CCDC73: variants seen among roughly 807,000 people sequenced by gnomAD.
CCDC73 encodes the protein coiled-coil domain containing 73.
A neutral mutation model predicts 116.5 loss-of-function variants in CCDC73; 95 were observed. The observed-to-expected ratio is 0.82, with a 90% confidence interval of 0.69 to 0.97. The LOEUF (loss-of-function observed/expected upper bound fraction) is 0.97, where lower values mean the gene tolerates loss of function less well. Among genes scored for constraint, CCDC73 ranks in the 50% least tolerant of loss-of-function variants. The pLI is 0.00. For missense variants in CCDC73, 1,066 were observed against 1,206.8 expected (o/e 0.88, Z 1.73); for synonymous variants, 398 against 401.3 (o/e 0.99, Z 0.10).
intron 9 of CCDC73, among the ~76,000 whole-genome samples, chr11:32,670,956 A>G (rs1856032811): frequency 6.6e-6 from 1 of 152,218 alleles, no homozygotes; most frequent in Admixed American, 6.5e-5. Flanking sequence ...TCTCAAGAGC[A>G]TAATAAATTA....
At chr11:32,708,914 G>C (rs1395930793) in intron 3 of CCDC73, among the ~76,000 whole-genome samples, 1 of 152,082 alleles carries the variant, frequency 6.6e-6, no homozygotes, top group African/African-American at 2.4e-5. Flanking sequence ...TCTTTTGTCT[G>C]ATTGCTCTGG....
chr11:32,627,477 C>T (rs969173178), intron 14 of CCDC73, among the ~76,000 whole-genome samples: 2 of 152,150 alleles, frequency 1.3e-5, no homozygotes, highest in South Asian at 4.1e-4. Context: ...TGGGTATATA[C>T]CCAAAGGATT....
At chr11:32,769,630 A>T (rs1850474309) in intron 1 of CCDC73, among the ~76,000 whole-genome samples, 1 of 152,314 alleles carries the variant, frequency 6.6e-6, no homozygotes, top group Admixed American at 6.5e-5. Flanking sequence ...ACACAAAAGG[A>T]GCATTTCAAA....
chr11:32,716,610 G>A (rs1849948302), intron 3 of CCDC73, among the ~76,000 whole-genome samples: 1 of 152,188 alleles, frequency 6.6e-6, no homozygotes, highest in Non-Finnish European at 1.5e-5. Context: ...CACCCAGGCT[G>A]GAGTGCAATG....
chr11:32,669,742 A>G (rs934148557), intron 9 of CCDC73, among the ~76,000 whole-genome samples: 2 of 152,078 alleles, frequency 1.3e-5, no homozygotes, highest in Non-Finnish European at 2.9e-5. Context: ...GGCTTATTTC[A>G]CTTAACATAA....
the CCDC73 span, among the ~76,000 whole-genome samples, chr11:32,803,681 A>G: frequency 6.6e-6 from 1 of 152,208 alleles, no homozygotes; most frequent in Non-Finnish European, 1.5e-5. Flanking sequence ...ACATAATGCT[A>G]TAGATTTTTC....
At chr11:32,663,727 G>A (rs1855952557) in intron 9 of CCDC73, among the ~76,000 whole-genome samples, 1 of 152,182 alleles carries the variant, frequency 6.6e-6, no homozygotes, top group Non-Finnish European at 1.5e-5. Flanking sequence ...TTGAATAGGA[G>A]TGGTGAGATA....
intron 12 of CCDC73, among the ~76,000 whole-genome samples, chr11:32,642,884 T>G (rs1855745839): frequency 6.6e-6 from 1 of 151,668 alleles, no homozygotes; most frequent in African/African-American, 2.4e-5. Flanking sequence ...TTAAAAAAAG[T>G]AAAGTTATTC....
chr11:32,702,637 T>C (rs1263158240), intron 4 of CCDC73, among the ~76,000 whole-genome samples: 7 of 152,196 alleles, frequency 4.6e-5, no homozygotes, highest in African/African-American at 1.7e-4. Context: ...TGAAAATATA[T>C]TTCCATCTCC....
chr11:32,687,569 T>C (rs918364191), intron 6 of CCDC73, among the ~76,000 whole-genome samples: 2 of 152,196 alleles, frequency 1.3e-5, no homozygotes, highest in African/African-American at 4.8e-5. Flanking sequence ...TAGTTTGGGA[T>C]TGTAATTTGC....
At chr11:32,729,698 G>A (rs978203344) in intron 2 of CCDC73, among the ~76,000 whole-genome samples, 2 of 151,982 alleles carry the variant, frequency 1.3e-5, no homozygotes, top group African/African-American at 4.8e-5. Flanking sequence ...GTTGTTTTTT[G>A]ACTTTTTAAT....
At chr11:32,807,252 A>T in the CCDC73 span, among the ~76,000 whole-genome samples, 1 of 152,144 alleles carries the variant, frequency 6.6e-6, no homozygotes, top group African/African-American at 2.4e-5. Flanking sequence ...TATGAAAACA[A>T]TTTGCTGTTT....
chr11:32,709,816 T>C (rs1397342322), intron 3 of CCDC73, among the ~76,000 whole-genome samples: 1 of 152,252 alleles, frequency 6.6e-6, no homozygotes, highest in Non-Finnish European at 1.5e-5. Flanking sequence ...AGAATTCAGC[T>C]GTGAATCCGT....
At chr11:32,700,920 T>C (rs115569366) in intron 4 of CCDC73, 94 bp from the exon 5 acceptor site, 65 of 479,354 alleles carry the variant, frequency 1.4e-4, no homozygotes, top group African/African-American at 1.3e-3. Context: ...TACACATCTA[T>C]ATTGTTTGAA....
intron 9 of CCDC73, among the ~76,000 whole-genome samples, chr11:32,658,892 C>G (rs1038814299): frequency 1.3e-4 from 19 of 151,800 alleles, no homozygotes; most frequent in African/African-American, 4.1e-4. Context: ...AAAAGGGGAC[C>G]ATGAAATGCG....
At chr11:32,803,609 A>C in the CCDC73 span, among the ~76,000 whole-genome samples, 1 of 152,230 alleles carries the variant, frequency 6.6e-6, no homozygotes, top group Non-Finnish European at 1.5e-5. Context: ...AATGGCAGCT[A>C]TCCTATATTG....
intron 1 of CCDC73, among the ~76,000 whole-genome samples, chr11:32,763,709 C>T (rs1319592439): frequency 6.6e-6 from 1 of 152,200 alleles, no homozygotes; most frequent in Non-Finnish European, 1.5e-5. Context: ...CAGAGCACCT[C>T]TCCCCCTCCA....
intron 14 of CCDC73, among the ~76,000 whole-genome samples, chr11:32,629,528 T>G (rs1408598472): frequency 1.3e-5 from 2 of 151,620 alleles, no homozygotes; most frequent in Admixed American, 6.6e-5. Flanking sequence ...GCCTATTGAG[T>G]AGCTGGGATT....
chr11:32,681,062 A>C (rs1200196758), intron 7 of CCDC73: 4 of 152,012 alleles, frequency 2.6e-5, no homozygotes, highest in Non-Finnish European at 5.9e-5. Flanking sequence ...TGGGAAAGAA[A>C]GTATGTGGTT....
Sources: gnomAD v4.1 joint callset for allele counts (sites outside exome capture counted in the v4.1 genomes callset) on GRCh38, gnomAD v4.1.1 for gene constraint, MANE v1.5 for transcripts, NCBI Gene and HGNC (gene_info 2026-07-23, HGNC 2026-07-21) for gene names.